The following BMPER variants were observed in gnomAD, a reference collection of about 807,000 sequenced individuals.
BMPER encodes BMP binding endothelial regulator.
In BMPER, 45 loss-of-function variants were observed where a neutral mutation model predicts 87.3. The observed-to-expected ratio is 0.52, with a 90% CI of 0.41 to 0.66. The LOEUF (loss-of-function observed/expected upper bound fraction) is 0.66. BMPER is among the 30% of genes least tolerant of loss of function. BMPER has a pLI of 0.00. For missense variants in BMPER, 784 were observed against 867.5 expected, an observed-to-expected ratio of 0.90 and a Z score of 1.21; for synonymous variants, 326 against 316.2, an observed-to-expected ratio of 1.03 and a Z score of -0.33.
At chr7:34,111,054 A>C (rs1789948188) in intron 13 of BMPER, among the ~76,000 whole-genome samples, 1 of 152,250 alleles carries the variant, frequency 6.6e-6, no homozygotes, top group South Asian at 2.1e-4. Flanking sequence ...CAAGGAAAGT[A>C]AATGCTGGGA....
chr7:34,036,585 T>G (rs947276276), intron 6 of BMPER, among the ~76,000 whole-genome samples: 4 of 152,074 alleles, frequency 2.6e-5, no homozygotes, highest in African/African-American at 9.7e-5. Context: ...AGCACCTGCT[T>G]CCACACACCA....
chr7:33,925,613 T>A (rs527706970), intron 2 of BMPER, among the ~76,000 whole-genome samples: 49 of 152,316 alleles, frequency 3.2e-4, no homozygotes, highest in African/African-American at 1.2e-3. Flanking sequence ...AAAACATAGA[T>A]GAAAGACTAG....
At chr7:34,149,525 G>A (rs1312307527) in intron 14 of BMPER, among the ~76,000 whole-genome samples, 1 of 152,082 alleles carries the variant, frequency 6.6e-6, no homozygotes, top group Non-Finnish European at 1.5e-5. Flanking sequence ...GGAAGTCAGA[G>A]ATAAAACTGT....
chr7:34,119,014 T>TCTCTCACACACACACACACA (rs66493349), intron 13 of BMPER, among the ~76,000 whole-genome samples: 24 of 135,790 alleles, frequency 1.8e-4, no homozygotes, highest in African/African-American at 5.5e-4. Context: ...TCTCTCTCTC[T>TCTCTCACACACACACACACA]CACACACACA....
rs1354331603 is a variant in BMPER, at chr7:33,970,393, T to C, written c.467T>C (p.Leu156Pro). 1.2e-6 allele frequency: 2 copies of C among 1,614,062 alleles called. No individual in the cohort carries two copies. Among genetic ancestry groups the C allele is most frequent in the Non-Finnish European group, 1.7e-6 (2 of 1,180,016 alleles). ...VVHCKNPLEHLGMCCPTCPGC... is the reference protein window; with the variant it reads ...VVHCKNPLEHPGMCCPTCPGC... ...CATTGTAAAAACCCTTTGGAGCATCTGGGAATGTGCTGCCCCACATGTCCA... is the reference window on the plus strand; with the variant it reads ...CATTGTAAAAACCCTTTGGAGCATCCGGGAATGTGCTGCCCCACATGTCCA... Residue 156 changes from leucine to proline, a missense_variant, in exon 5 of 15, where the codon CTG becomes CCG. By Grantham distance (98) the Leu-to-Pro change is moderately conservative (BLOSUM62 -3). Coordinates refer to ENST00000649409, the MANE Select transcript of BMPER (RefSeq NM_001365308.1).
intron 13 of BMPER, among the ~76,000 whole-genome samples, chr7:34,142,035 C>T (rs1251208334): frequency 1.1e-4 from 17 of 152,168 alleles, no homozygotes. Context: ...ATCGTAAGTG[C>T]AGCTTGTACT....
chr7:34,014,408 G>C (rs1433966800), intron 6 of BMPER, among the ~76,000 whole-genome samples: 1 of 151,924 alleles, frequency 6.6e-6, no homozygotes, highest in Non-Finnish European at 1.5e-5. Flanking sequence ...GCAAAGAGAG[G>C]AGAGATATCC....
intron 6 of BMPER, among the ~76,000 whole-genome samples, chr7:34,001,244 T>G (rs1404462090): frequency 6.6e-6 from 1 of 151,982 alleles, no homozygotes; most frequent in Non-Finnish European, 1.5e-5. Context: ...GAAGGACTTG[T>G]GTTAATTGTT....
At chr7:33,985,942 T>C (rs562140988) in intron 6 of BMPER, among the ~76,000 whole-genome samples, 1 of 152,342 alleles carries the variant, frequency 6.6e-6, no homozygotes, top group Non-Finnish European at 1.5e-5. Context: ...TAAAATCCCA[T>C]GTCTTCTTCC....
chr7:34,136,296 G>A (rs1423289988), intron 13 of BMPER, among the ~76,000 whole-genome samples: 4 of 152,102 alleles, frequency 2.6e-5, no homozygotes, highest in African/African-American at 7.2e-5. Context: ...GTACCCCTTC[G>A]ATGGAAGGAT....
rs1219194105 is a variant in BMPER, at chr7:33,990,287, T to C, written c.576+15503T>C. Among the ~76,000 whole-genome samples, 516 of 136,834 alleles carry C rather than the reference T, an allele frequency of 3.8e-3. 7 individuals are homozygous for C. Among genetic ancestry groups the C allele is most frequent in the African/African-American group, 0.014 (498 of 35,324 alleles). 89.8% of individuals were successfully genotyped at this position (136,834 alleles called of 152,430 possible). A position where few individuals can be genotyped will look rare whatever the true frequency, so the allele number is the denominator to read the frequency against. ...TCCATTTGTTGTATCCTCTTTTATT[T>C]CCTTGAGCAGTGGTTTGTAGTTCTC... On this transcript the variant is annotated intron_variant, in intron 6 of 14. Coordinates refer to ENST00000649409, the MANE Select transcript of BMPER (RefSeq NM_001365308.1).
chr7:34,085,620 C>A, intron 12 of BMPER, 136 bp from the exon 13 acceptor site: 1 of 831,772 alleles, frequency 1.2e-6, no homozygotes, highest in South Asian at 1.5e-5. Flanking sequence ...AAGAGGTAAC[C>A]AAGAATTTGG....
At chr7:33,950,129 TAGA>T (rs567211075) in intron 3 of BMPER, among the ~76,000 whole-genome samples, 24 of 152,206 alleles carry the variant, frequency 1.6e-4, no homozygotes, top group Non-Finnish European at 2.8e-4. Flanking sequence ...GCCTTTAAGT[TAGA>T]AGATTAGATT....
chr7:34,026,727 A>C (rs1585750727), intron 6 of BMPER, among the ~76,000 whole-genome samples: 2 of 152,100 alleles, frequency 1.3e-5, no homozygotes, highest in East Asian at 3.9e-4. Flanking sequence ...AAAAGTGCAA[A>C]CTCCAGAGAC....
intron 3 of BMPER, among the ~76,000 whole-genome samples, chr7:33,961,668 G>T (rs561595046): frequency 6.6e-5 from 10 of 152,330 alleles, no homozygotes; most frequent in African/African-American, 2.4e-4. Flanking sequence ...AGAGGCTCCA[G>T]ACAATAACGA....
chr7:34,080,728 G>T (rs1217596203), intron 12 of BMPER, among the ~76,000 whole-genome samples: 1 of 152,168 alleles, frequency 6.6e-6, no homozygotes, highest in Admixed American at 6.5e-5. Context: ...GAACACAATA[G>T]ATTCTACTGA....
At chr7:34,138,515 T>C (rs1430696721) in intron 13 of BMPER, among the ~76,000 whole-genome samples, 1 of 152,180 alleles carries the variant, frequency 6.6e-6, no homozygotes, top group Non-Finnish European at 1.5e-5. Context: ...TGAGCAGCTG[T>C]GTTAACCACA....
chr7:34,104,555 G>T (rs1789770446), intron 13 of BMPER, among the ~76,000 whole-genome samples: 1 of 152,058 alleles, frequency 6.6e-6, no homozygotes, highest in Admixed American at 6.5e-5. Flanking sequence ...TAGGACACTT[G>T]GATTGCAGCT....
intron 3 of BMPER, among the ~76,000 whole-genome samples, chr7:33,957,647 T>A (rs138802850): frequency 1.1e-4 from 16 of 152,292 alleles, no homozygotes; most frequent in African/African-American, 3.6e-4. Context: ...ATTGCACAAT[T>A]GTCAATTTCC....
Sources: allele counts gnomAD v4.1 joint callset (sites outside exome capture counted in the v4.1 genomes callset), GRCh38; gene constraint gnomAD v4.1.1; transcripts MANE v1.5; gene names NCBI Gene and HGNC (gene_info 2026-07-23, HGNC 2026-07-21).